MPP7: variants seen among roughly 807,000 people sequenced by gnomAD.
MPP7 encodes the protein MAGUK p55 subfamily member 7.
In MPP7, 60 loss-of-function variants were observed where a neutral mutation model predicts 76.5. The ratio of observed to expected loss-of-function variants is 0.78; its 90% CI spans 0.64 to 0.97. The LOEUF (loss-of-function observed/expected upper bound fraction) is 0.97. MPP7 is among the 50% of genes least tolerant of loss of function. The pLI is 0.00. For synonymous variants in MPP7, 237 were observed against 244.5 expected (o/e 0.97, Z 0.29); for missense variants, 641 against 694.0 (o/e 0.92, Z 0.86).
chr10:28,124,124 A>G lies in MPP7; in HGVS notation c.530-8T>C. On this transcript the variant is annotated splice_region_variant and splice_polypyrimidine_tract_variant and intron_variant, in intron 7 of 16. Coordinates refer to ENST00000683449, the MANE Select transcript of MPP7 (RefSeq NM_001318170.2). Reference sequence around the variant, plus strand: ...CACCAACATGAATAAGACCTGAGAAATAGGAGATTTGGTAAATTAGCAGTG... The same window carrying G: ...CACCAACATGAATAAGACCTGAGAAGTAGGAGATTTGGTAAATTAGCAGTG... 1 of 1,589,214 alleles carries G rather than the reference A, an allele frequency of 6.3e-7. No individual in the cohort carries two copies.
chr10:28,185,115 G>A (rs1837190836), intron 3 of MPP7, among the ~76,000 whole-genome samples: 1 of 147,832 alleles, frequency 6.8e-6, no homozygotes, highest in Admixed American at 6.8e-5. Context: ...GATCACTTAA[G>A]GTCAGGAGTT....
At chr10:28,119,594 A>G in intron 11 of MPP7, 57 bp downstream of exon 11, 7 of 1,439,054 alleles carry the variant, frequency 4.9e-6, no homozygotes, top group Non-Finnish European at 6.9e-6. Context: ...ACCTGCTTTA[A>G]TAGTCAAAAA....
chr10:28,252,588 T>C (rs1021140621), intron 1 of MPP7, among the ~76,000 whole-genome samples: 1 of 152,214 alleles, frequency 6.6e-6, no homozygotes, highest in African/African-American at 2.4e-5. Flanking sequence ...CCCCGTTTTC[T>C]AGATACTCTC....
At chr10:28,188,943 C>A (rs1420714041) in intron 3 of MPP7, among the ~76,000 whole-genome samples, 2 of 151,648 alleles carry the variant, frequency 1.3e-5, no homozygotes, top group Non-Finnish European at 2.9e-5. Context: ...AACCAGTAGA[C>A]CTGCCTTGCA....
At chr10:28,214,865 G>A (rs1387207763) in intron 2 of MPP7, among the ~76,000 whole-genome samples, 3 of 152,132 alleles carry the variant, frequency 2.0e-5, no homozygotes, top group East Asian at 3.9e-4. Context: ...GTACAGTGTA[G>A]GGGTCATGCA....
rs1023476403 is a variant in MPP7, at chr10:28,068,111, C to T, written c.1204+1661G>A. ...ATCTTCTAGGTCTCTTCTATAATTG[C>T]TCACCTGTAAGCTTAAAAATTATTT... is the stretch of plus-strand genomic sequence containing the variant. On this transcript the variant is annotated intron_variant, in intron 13 of 16. Coordinates refer to ENST00000683449, the MANE Select transcript of MPP7 (RefSeq NM_001318170.2). Among the ~76,000 whole-genome samples the T allele has an allele frequency of 8.6e-5, 13 of 151,798 alleles. 1 individual carries two copies. The highest frequency in any genetic ancestry group is 1.3e-4 in the Non-Finnish European group (9 of 67,952).
intron 3 of MPP7, among the ~76,000 whole-genome samples, chr10:28,159,493 T>G (rs1156254922): frequency 6.6e-6 from 1 of 152,226 alleles, no homozygotes; most frequent in African/African-American, 2.4e-5. Flanking sequence ...TTGACAAATT[T>G]GTAAATATCT....
chr10:28,107,027 C>T (rs570687195), intron 11 of MPP7, among the ~76,000 whole-genome samples: 2 of 152,256 alleles, frequency 1.3e-5, no homozygotes, highest in East Asian at 1.9e-4. Context: ...CGAAATTTTA[C>T]ACAAAGAATA....
At chr10:28,220,848 A>G (rs1230695365) in intron 2 of MPP7, among the ~76,000 whole-genome samples, 2 of 152,204 alleles carry the variant, frequency 1.3e-5, no homozygotes, top group African/African-American at 4.8e-5. Context: ...ACAAAAGCAT[A>G]AAAAACATCA....
intron 1 of MPP7, among the ~76,000 whole-genome samples, chr10:28,286,410 T>A (rs1481104181): frequency 6.6e-6 from 1 of 152,182 alleles, no homozygotes; most frequent in Non-Finnish European, 1.5e-5. Flanking sequence ...TAAACTTCCT[T>A]TCACTTGGAA....
intron 2 of MPP7, among the ~76,000 whole-genome samples, chr10:28,319,177 G>A (rs577821315): frequency 1.3e-5 from 2 of 152,176 alleles, no homozygotes; most frequent in African/African-American, 4.8e-5. Context: ...GCAGGAGGAA[G>A]AGGGTGAAGG....
intron 1 of MPP7, among the ~76,000 whole-genome samples, chr10:28,273,456 G>T (rs1167427526): frequency 6.6e-6 from 1 of 152,174 alleles, no homozygotes; most frequent in Non-Finnish European, 1.5e-5. Flanking sequence ...CCTCTTTATT[G>T]GTGCCGTTAC....
At position 28,125,050 on chromosome 10, in the gene MPP7, A is replaced by G; in HGVS notation, c.489T>C (p.Ile163=). Reference sequence around the variant, plus strand: ...CTCCTCCTCTCATGATTCTGGCCACAATGATCGCCCCGGTCTGTTCATCCT... The same window carrying G: ...CTCCTCCTCTCATGATTCTGGCCACGATGATCGCCCCGGTCTGTTCATCCT... The part of the protein sequence containing the change: ...IKKDEQTGAI[I]VARIMRGGAA... Residue 163 remains isoleucine (I), a synonymous_variant, in exon 7 of 17, where the codon ATT becomes ATC. Coordinates refer to ENST00000683449, the MANE Select transcript of MPP7 (RefSeq NM_001318170.2). 1 of 1,614,046 alleles carries G rather than the reference A, an allele frequency of 6.2e-7. No homozygotes were observed. Among genetic ancestry groups the G allele is most frequent in the Non-Finnish European group, 8.5e-7 (1 of 1,179,958 alleles).
chr10:28,184,090 T>C (rs1403769674), intron 3 of MPP7, among the ~76,000 whole-genome samples: 2 of 150,680 alleles, frequency 1.3e-5, no homozygotes, highest in African/African-American at 4.9e-5. Context: ...TGAAGTAAAA[T>C]AAGAAGATAT....
At chr10:28,119,278 AT>A (rs932221189) in intron 11 of MPP7, among the ~76,000 whole-genome samples, 3 of 151,968 alleles carry the variant, frequency 2.0e-5, no homozygotes, top group Non-Finnish European at 1.5e-5. Context: ...AAAATGGTAG[AT>A]TTTTTTTCTC....
At chr10:28,193,582 G>A (rs992592360) in intron 3 of MPP7, among the ~76,000 whole-genome samples, 1 of 152,132 alleles carries the variant, frequency 6.6e-6, no homozygotes, top group Non-Finnish European at 1.5e-5. Flanking sequence ...TTAGACTTTA[G>A]TAAAATGTGG....
intron 3 of MPP7, among the ~76,000 whole-genome samples, 178 bp from the exon 4 acceptor site, chr10:28,150,237 G>A (rs753086253): frequency 1.3e-5 from 2 of 152,178 alleles, no homozygotes; most frequent in African/African-American, 4.8e-5. Context: ...TAGGTGACAC[G>A]TATGTGTGCC....
intron 3 of MPP7, among the ~76,000 whole-genome samples, chr10:28,165,576 A>G (rs1836423545): frequency 6.6e-6 from 1 of 151,746 alleles, no homozygotes; most frequent in African/African-American, 2.4e-5. Flanking sequence ...TCTCTGCTGT[A>G]TGGACCAGAT....
chr10:28,119,531 G>T (rs926986168), intron 11 of MPP7, 120 bp downstream of exon 11: 1 of 715,362 alleles, frequency 1.4e-6, no homozygotes, highest in South Asian at 1.9e-5. Context: ...CCTGAGAACT[G>T]ATGATCCCAA....
Sources: allele counts gnomAD v4.1 joint callset (sites outside exome capture counted in the v4.1 genomes callset), GRCh38; gene constraint gnomAD v4.1.1; transcripts MANE v1.5; gene names NCBI Gene and HGNC (gene_info 2026-07-23, HGNC 2026-07-21).